SMAD7: variants seen among roughly 807,000 people sequenced by gnomAD.
The protein encoded by SMAD7 is MAD (mothers against decapentaplegic, Drosophila) homolog 7.
Under a neutral mutation model 38.7 loss-of-function variants are expected in SMAD7, and 8 were observed. The observed-to-expected ratio is 0.21, with a 90% CI of 0.12 to 0.37. The LOEUF (loss-of-function observed/expected upper bound fraction) is 0.37. Among genes scored for constraint, SMAD7 ranks in the 10% least tolerant of loss-of-function variants. SMAD7 has a pLI of 1.00. For missense variants in SMAD7, 477 were observed against 577.9 expected (o/e 0.83, Z 1.79); for synonymous variants, 327 against 265.1 (o/e 1.23, Z -2.27).
Position 48,949,513 on chromosome 18 carries a change from T to G in SMAD7, c.613+299A>C, listed in dbSNP as rs111507506. 4.4e-4 allele frequency among the ~76,000 whole-genome samples: 67 copies of G among 152,194 alleles called. 2 individuals carry two copies. Among genetic ancestry groups the G allele is most frequent in the African/African-American group, 1.6e-3 (65 of 41,522 alleles). On this transcript the variant is annotated intron_variant, in intron 1 of 3. Transcript: ENST00000262158. ...TGATCCGGAAATGAAGGCGTCTAAT[T>G]TTTAACCGCAGACTGCAGGAGCAGT...
At chr18:48,943,293 C>T (rs967077794) in intron 2 of SMAD7, among the ~76,000 whole-genome samples, 8 of 152,282 alleles carry the variant, frequency 5.3e-5, no homozygotes, top group African/African-American at 1.2e-4. Context: ...TCCTATAAAA[C>T]ATTTGGCACC....
chr18:48,924,199 G>C (rs2069898030), intron 3 of SMAD7, among the ~76,000 whole-genome samples: 1 of 147,558 alleles, frequency 6.8e-6, no homozygotes, highest in Non-Finnish European at 1.5e-5. Flanking sequence ...GACTCGAGGA[G>C]CTGCTGGGAA....
rs547877043 is a variant in SMAD7, at chr18:48,940,741, A to T, written c.742+1740T>A. ...CACTCCAGCCTGGTGACAGAGCGAGACTCCGTCTGTGTGAGCCGAAATCGC... is the reference window on the plus strand; with the variant it reads ...CACTCCAGCCTGGTGACAGAGCGAGTCTCCGTCTGTGTGAGCCGAAATCGC... On this transcript the variant is annotated intron_variant, in intron 3 of 3. Coordinates refer to ENST00000262158, the MANE Select transcript of SMAD7 (RefSeq NM_005904.4). Among the ~76,000 whole-genome samples, 4 of 148,496 alleles carry T rather than the reference A, an allele frequency of 2.7e-5. No individual in the cohort carries two copies. In the South Asian group the frequency reaches 8.6e-4, roughly 32 times the overall value.
At chr18:48,948,894 G>A (rs565055000) in intron 1 of SMAD7, among the ~76,000 whole-genome samples, 28 of 152,376 alleles carry the variant, frequency 1.8e-4, no homozygotes, top group Admixed American at 2.6e-4. Context: ...CATTCCTAGC[G>A]CACTCGGGAG....
intron 3 of SMAD7, among the ~76,000 whole-genome samples, chr18:48,934,674 T>C (rs1409249681): frequency 1.3e-5 from 2 of 152,036 alleles, no homozygotes; most frequent in Non-Finnish European, 2.9e-5. Flanking sequence ...GTGACCCTTC[T>C]GGTAAAATAT....
At chr18:48,949,397 G>A in intron 1 of SMAD7, 1 of 457,750 alleles carries the variant, frequency 2.2e-6, no homozygotes, top group Non-Finnish European at 2.9e-6. Context: ...TCCTTGGCGG[G>A]CCTGGACCAA....
At chr18:48,948,921 C>CA (rs1479842973) in intron 1 of SMAD7, among the ~76,000 whole-genome samples, 1 of 152,254 alleles carries the variant, frequency 6.6e-6, no homozygotes, top group East Asian at 1.9e-4. Flanking sequence ...CCCAAGCGTG[C>CA]TGGGGAACGT....
intron 3 of SMAD7, 124 bp downstream of exon 3, chr18:48,942,357 G>A: frequency 1.5e-6 from 1 of 683,008 alleles, no homozygotes; most frequent in South Asian, 1.9e-5. Context: ...CCAACTTAAG[G>A]CATATAAAAA....
Position 48,942,474 on chromosome 18 carries a change from A to G in SMAD7, c.742+7T>C, listed in dbSNP as rs774530208. The G allele has an allele frequency of 8.3e-6, 13 of 1,561,418 alleles. No individual in the cohort carries two copies. Among genetic ancestry groups the G allele is most frequent in the Admixed American group, 2.1e-5 (1 of 48,408 alleles). On this transcript the variant is annotated splice_region_variant and intron_variant, in intron 3 of 3. Transcript: ENST00000262158. ...AATTGCCAGGAAAATAAGAGAAAGC[A>G]TCTTACCTGAAAGCCCCCCAGGGGC...
chr18:48,925,946 C>T (rs760393074), intron 3 of SMAD7, among the ~76,000 whole-genome samples: 13 of 152,246 alleles, frequency 8.5e-5, no homozygotes, highest in Non-Finnish European at 1.5e-4. Flanking sequence ...CAGGGTTTCA[C>T]CGTGTTAGCC....
At chr18:48,937,295 T>C (rs2070080528) in intron 3 of SMAD7, among the ~76,000 whole-genome samples, 1 of 150,882 alleles carries the variant, frequency 6.6e-6, no homozygotes, top group Non-Finnish European at 1.5e-5. Context: ...TGTGTGTGTG[T>C]GTGTGTGTGT....
At chr18:48,922,908 G>A (rs2069879889) in intron 3 of SMAD7, among the ~76,000 whole-genome samples, 3 of 152,116 alleles carry the variant, frequency 2.0e-5, no homozygotes, top group Non-Finnish European at 4.4e-5. Context: ...GGTGATTCTG[G>A]TAAGGTAATT....
At chr18:48,945,369 G>A (rs987753947) in intron 2 of SMAD7, among the ~76,000 whole-genome samples, 9 of 152,122 alleles carry the variant, frequency 5.9e-5, no homozygotes, top group African/African-American at 2.2e-4. Flanking sequence ...GGCTGAGGCA[G>A]GACAATGGTG....
chr18:48,949,596 A>G (rs1177847952), intron 1 of SMAD7, among the ~76,000 whole-genome samples: 1 of 152,110 alleles, frequency 6.6e-6, no homozygotes, highest in Admixed American at 6.5e-5. Context: ...CCCCCAGGGA[A>G]TGCCCTTTGA....
chr18:48,940,744 C>CCGTCTGTGTGAGCCGAAAT (rs2070128841), intron 3 of SMAD7, among the ~76,000 whole-genome samples: 1 of 150,844 alleles, frequency 6.6e-6, no homozygotes, highest in African/African-American at 2.4e-5. Context: ...GAGCGAGACT[C>CCGTCTGTGTGAGCCGAAAT]CGTCTGTGTG....
rs753844398 is a variant in SMAD7 at position 48,921,059 on chromosome 18, C to T, written c.*313G>A. 142 of 371,924 alleles carry T rather than the reference C, an allele frequency of 3.8e-4. 1 individual carries two copies. Among genetic ancestry groups the T allele is most frequent in the Non-Finnish European group, 6.1e-4 (123 of 202,352 alleles). 23.0% of individuals were successfully genotyped at this position (371,924 alleles called of 1,614,324 possible). Reference sequence around the variant, plus strand: ...ACACTCCTGACAAGTGAAATGATGACCGCCCCCCTTCATACACTGTGTTTG... The same window carrying T: ...ACACTCCTGACAAGTGAAATGATGATCGCCCCCCTTCATACACTGTGTTTG... On this transcript the variant is annotated 3_prime_UTR_variant, in exon 4 of 4. Transcript: ENST00000262158. This position sits in a 1 kb window ranked among gnomAD's most constrained non-coding sequence, Gnocchi z 6.4.
At chr18:48,937,798 C>T (rs888161190) in intron 3 of SMAD7, among the ~76,000 whole-genome samples, 1 of 152,236 alleles carries the variant, frequency 6.6e-6, no homozygotes, top group African/African-American at 2.4e-5. Flanking sequence ...CTCATGGTCA[C>T]AAGCACCTGT....
intron 3 of SMAD7, among the ~76,000 whole-genome samples, chr18:48,925,790 A>G (rs1372731725): frequency 6.6e-6 from 1 of 151,498 alleles, no homozygotes; most frequent in African/African-American, 2.4e-5. Context: ...TCTGTCGCCC[A>G]GGCTGGAGTG....
Position 48,921,291 on chromosome 18 carries a change from G to T in SMAD7, c.*81C>A. 8.0e-7 allele frequency: 1 copy of T among 1,250,660 alleles called. No individual in the cohort carries two copies. The allele number at this position is 1,250,660 out of a possible 1,614,324, so 77.5% of individuals were successfully genotyped here. ...ACCAAAGAGTTTGCATGAAAAGCAA[G>T]CACTCAGGAGGAAAATATTAGCAGC... is the stretch of plus-strand genomic sequence containing the variant. On this transcript the variant is annotated 3_prime_UTR_variant, in exon 4 of 4. Coordinates refer to ENST00000262158, the MANE Select transcript of SMAD7 (RefSeq NM_005904.4). The surrounding 1 kb of genome is among the most constrained non-coding windows in gnomAD (Gnocchi z 6.4).
Sources: allele counts gnomAD v4.1 joint callset (sites outside exome capture counted in the v4.1 genomes callset), GRCh38; gene constraint gnomAD v4.1.1; non-coding constraint Gnocchi (gnomAD v3.1); transcripts MANE v1.5; gene names NCBI Gene and HGNC (gene_info 2026-07-23, HGNC 2026-07-21).